Variants in DYSF observed in about 807,000 individuals in gnomAD.
DYSF encodes the protein dysferlin.
DYSF carries 212 observed loss-of-function variants against 274.9 expected under a neutral mutation model. The ratio of observed to expected loss-of-function variants is 0.77; its 90% CI spans 0.69 to 0.86. DYSF has a LOEUF of 0.86. DYSF is among the 40% of genes least tolerant of loss of function. The probability of loss-of-function intolerance (pLI) is 0.00; values close to 1 mark genes in which losing one functional copy is unlikely to be tolerated. For missense variants in DYSF, 2,666 were observed against 2,783.2 expected (o/e 0.96, Z 0.95); for synonymous variants, 1,091 against 1,078.7 (o/e 1.01, Z -0.22).
intron 3 of DYSF, among the ~76,000 whole-genome samples, chr2:71,490,863 T>C (rs546345729): frequency 1.1e-4 from 17 of 152,348 alleles, no homozygotes; most frequent in Admixed American, 5.2e-4. Flanking sequence ...CATTGACTGA[T>C]ATTTAGTTTC....
At position 71,600,805 on chromosome 2, in the gene DYSF, A is replaced by C; in HGVS notation, c.3860A>C (p.Glu1287Ala). ...PLTRGSQPSG[E>A]LLASFELIQR... ...ACGAGGGGCAGCCAGCCGTCGGGGGAGCTGCTGGCCTCTTTTGAGCTCATC... is the reference window on the plus strand; with the variant it reads ...ACGAGGGGCAGCCAGCCGTCGGGGGCGCTGCTGGCCTCTTTTGAGCTCATC... The change falls in exon 34 of 56, where the codon GAG becomes GCG. Residue 1287 changes from glutamate (E) to alanine (A), a missense_variant. Glu to Ala is a moderately radical substitution (Grantham distance 107, BLOSUM62 -1). This residue lies in a region of DYSF where 1,460 missense variants were observed against 1,502.1 expected (regional missense o/e 0.97). Coordinates refer to ENST00000410020, the MANE Select transcript of DYSF (RefSeq NM_001130987.2). 1 of 1,613,000 alleles carries C rather than the reference A, an allele frequency of 6.2e-7. No individual in the cohort carries two copies. The highest frequency in any genetic ancestry group is 8.5e-7 in the Non-Finnish European group (1 of 1,179,998).
At chr2:71,654,876 T>G (rs951598222) in intron 42 of DYSF, among the ~76,000 whole-genome samples, 2 of 151,958 alleles carry the variant, frequency 1.3e-5, no homozygotes, top group Non-Finnish European at 2.9e-5. Flanking sequence ...TCCAGGAGTT[T>G]GAGACCAACC....
At chr2:71,618,957 G>T (rs941828704) in intron 40 of DYSF, among the ~76,000 whole-genome samples, 5 of 151,906 alleles carry the variant, frequency 3.3e-5, no homozygotes, top group Admixed American at 6.6e-5. Context: ...TGAGCCTGCT[G>T]CTCCAGTTAT....
intron 34 of DYSF, among the ~76,000 whole-genome samples, chr2:71,601,064 C>T (rs1574278858): frequency 6.6e-6 from 1 of 152,220 alleles, no homozygotes; most frequent in African/African-American, 2.4e-5. Context: ...GGGTCATCTC[C>T]TGACGTGGTT....
intron 7 of DYSF, among the ~76,000 whole-genome samples, chr2:71,515,368 C>T (rs550630148): frequency 1.6e-4 from 24 of 152,280 alleles, no homozygotes; most frequent in African/African-American, 5.5e-4. Flanking sequence ...CTGCCCACCC[C>T]TGGGGTTTAA....
rs57041989 is a variant in DYSF, at chr2:71,574,137, G to C, written c.3229-61G>C. 339,684 of 1,588,322 alleles carry C rather than the reference G, an allele frequency of 0.21. 37,519 individuals are homozygous for C. The highest frequency in any genetic ancestry group is 0.36 in the East Asian group (16,237 of 44,538). ...AAGACAGGAAGGCAAAGGTGGAGCC[G>C]AGCACAGAACTCCCCCCAGCCTTCC... On this transcript the variant is annotated intron_variant, in intron 29 of 55. Transcript: ENST00000410020.
intron 30 of DYSF, among the ~76,000 whole-genome samples, chr2:71,582,274 G>C (rs2092923442): frequency 6.6e-6 from 1 of 152,116 alleles, no homozygotes; most frequent in Admixed American, 6.5e-5. Context: ...GCCCTTTATA[G>C]ACAAGGTCTG....
intron 4 of DYSF, among the ~76,000 whole-genome samples, chr2:71,510,005 T>C (rs2085916842): frequency 6.6e-6 from 1 of 152,240 alleles, no homozygotes; most frequent in South Asian, 2.1e-4. Flanking sequence ...CTCAAACTCC[T>C]GACCTCAAGA....
chr2:71,529,573 G>T (rs949580308), intron 14 of DYSF, among the ~76,000 whole-genome samples: 7 of 152,222 alleles, frequency 4.6e-5, no homozygotes, highest in Non-Finnish European at 2.9e-5. Flanking sequence ...ATGTCAGGTT[G>T]TCCCATCATT....
chr2:71,667,483 C>G lies in DYSF; in HGVS notation c.5425C>G (p.Leu1809Val). ...CCCGGAGCACGTGGAGTCACGGCCC[C>G]TCTACAGCCCCCTGCAGCCAGACAT... ...LVPEHVESRP[L>V]YSPLQPDIEQ... The change falls in exon 48 of 56, where the codon CTC becomes GTC. Residue 1809 changes from leucine to valine, a missense_variant. Around this residue, in one of 3 missense-constraint regions of DYSF, gnomAD observed 1,460 missense variants for 1,502.1 expected, o/e 0.97. Transcript: ENST00000410020. The G allele has an allele frequency of 6.2e-7, 1 of 1,614,150 alleles. No individual in the cohort carries two copies. Among genetic ancestry groups the G allele is most frequent in the Non-Finnish European group, 8.5e-7 (1 of 1,180,034 alleles).
At chr2:71,504,942 T>A (rs567720095) in intron 4 of DYSF, among the ~76,000 whole-genome samples, 2 of 152,230 alleles carry the variant, frequency 1.3e-5, no homozygotes, top group Non-Finnish European at 2.9e-5. Flanking sequence ...TGGCTGGGGA[T>A]TCCTGGCTGT....
intron 22 of DYSF, 118 bp from the exon 23 acceptor site, chr2:71,561,634 C>T: frequency 8.2e-7 from 1 of 1,215,272 alleles, no homozygotes; most frequent in African/African-American, 1.5e-5. Flanking sequence ...CTGGAGAAGG[C>T]ACCCAGCAGG....
chr2:71,481,976 G>T lies in DYSF; in HGVS notation c.239+6G>T. 6.2e-7 allele frequency: 1 copy of T among 1,613,158 alleles called. No homozygotes were observed. The highest frequency in any genetic ancestry group is 2.2e-5 in the East Asian group (1 of 44,870). ...GAGACGATGGGGAGGAACAGGTAAG[G>T]TGGCCAGAGGGGGGTGCTCCATGGC... On this transcript the variant is annotated splice_donor_region_variant and intron_variant, in intron 3 of 55. Transcript: ENST00000410020.
chr2:71,578,627 G>A (rs2092789965), intron 30 of DYSF, among the ~76,000 whole-genome samples: 1 of 152,226 alleles, frequency 6.6e-6, no homozygotes, highest in Admixed American at 6.5e-5. Context: ...TGGGAGGCAG[G>A]CCTTGCAGGG....
At chr2:71,567,894 C>G (rs2092198443) in intron 24 of DYSF, 57 bp from the exon 25 acceptor site, 1 of 1,603,212 alleles carries the variant, frequency 6.2e-7, no homozygotes, top group Non-Finnish European at 8.5e-7. Flanking sequence ...CAGCCTCTCA[C>G]TGGGACATCC....
At chr2:71,660,990 G>T (rs2094869485) in intron 45 of DYSF, among the ~76,000 whole-genome samples, 1 of 151,838 alleles carries the variant, frequency 6.6e-6, no homozygotes, top group African/African-American at 2.4e-5. Context: ...GGTAGTGCAT[G>T]CCTGTGGTTC....
chr2:71,526,195 G>A (rs772817641), intron 12 of DYSF, 25 bp from the exon 13 acceptor site: 3 of 1,614,214 alleles, frequency 1.9e-6, no homozygotes, highest in Non-Finnish European at 2.5e-6. Context: ...GCGCATGAAG[G>A]AATCGTATTT....
At chr2:71,570,081 G>A (rs2092331963) in intron 27 of DYSF, 147 bp downstream of exon 27, 2 of 1,050,832 alleles carry the variant, frequency 1.9e-6, no homozygotes, top group Admixed American at 1.9e-5. Context: ...AAAGTGTGGG[G>A]TGCAGTGGTG....
At chr2:71,453,860 G>C in exon 1 of DYSF, 1 of 870,038 alleles carries the variant, frequency 1.1e-6, no homozygotes, top group South Asian at 1.4e-5. Flanking sequence ...ACTGCTCTAA[G>C]CCAGGAGCCA....
Sources: gnomAD v4.1 joint callset for allele counts (sites outside exome capture counted in the v4.1 genomes callset) on GRCh38, gnomAD v4.1.1 for gene constraint, gnomAD v4.1.1 regional missense constraint, MANE v1.5 for transcripts, NCBI Gene and HGNC (gene_info 2026-07-23, HGNC 2026-07-21) for gene names.